The following BCOR variants were observed in gnomAD, a reference collection of about 807,000 sequenced individuals.
BCOR encodes BCL-6 corepressor.
In BCOR, 10 loss-of-function variants were observed where a neutral mutation model predicts 86.7. The observed-to-expected ratio is 0.12, with a 90% CI of 0.07 to 0.20. The LOEUF (loss-of-function observed/expected upper bound fraction) is 0.20, where lower values mean the gene tolerates loss of function less well. Among genes scored for constraint, BCOR ranks in the 10% least tolerant of loss-of-function variants. BCOR has a pLI of 1.00. For missense variants in BCOR, 1,259 were observed against 1,452.1 expected, an observed-to-expected ratio of 0.87 and a Z score of 2.16; for synonymous variants, 611 against 609.0, an observed-to-expected ratio of 1.00 and a Z score of -0.05.
At chrX:40,148,103 C>T (rs1320589892) in intron 1 of BCOR, among the ~76,000 whole-genome samples, 2 of 112,340 alleles carry the variant, frequency 1.8e-5, no homozygotes, top group African/African-American at 6.5e-5. Flanking sequence ...CTGCCACTTT[C>T]CACCGCATTT....
At chrX:40,099,733 C>A (rs1163073893), upstream of BCOR, among the ~76,000 whole-genome samples, 6 of 112,432 alleles carry the variant, frequency 5.3e-5, no homozygotes, top group Non-Finnish European at 1.1e-4. Context: ...TAGTTCTCAG[C>A]ACATAGTTAT....
At chrX:40,110,505 TCTC>T (rs927372872) in intron 1 of BCOR, among the ~76,000 whole-genome samples, 2 of 108,336 alleles carry the variant, frequency 1.8e-5, no homozygotes, top group African/African-American at 6.7e-5. Flanking sequence ...GGCAAAATAT[TCTC>T]CTCTCCCCTA....
At chrX:40,167,921 CG>C (rs1263648999) in intron 1 of BCOR, among the ~76,000 whole-genome samples, 2 of 113,046 alleles carry the variant, frequency 1.8e-5, no homozygotes. Context: ...GGCCGGGCCG[CG>C]AGGCCTCCTA....
intron 1 of BCOR, among the ~76,000 whole-genome samples, chrX:40,106,565 C>T (rs1937191463): frequency 9.0e-6 from 1 of 110,645 alleles, no homozygotes; most frequent in Non-Finnish European, 1.9e-5. Context: ...GCCCTCCCCG[C>T]GCTCCCGCCT....
intron 1 of BCOR, among the ~76,000 whole-genome samples, chrX:40,159,680 G>A (rs950226687): frequency 2.7e-5 from 3 of 112,324 alleles, no homozygotes; most frequent in African/African-American, 6.5e-5. Flanking sequence ...CTAAATGGAA[G>A]ATTGGAAACT....
chrX:40,090,496 G>A (rs1329936997), intron 1 of BCOR, among the ~76,000 whole-genome samples: 1 of 112,771 alleles, frequency 8.9e-6, no homozygotes, highest in Non-Finnish European at 1.9e-5. Flanking sequence ...CCCCTCCGGG[G>A]AGGCGATTCC....
rs918158091 is a variant in BCOR at position 40,075,166 on chromosome X, C to G, written c.180G>C (p.Thr60=). 8.3e-7 allele frequency: 1 copy of G among 1,205,703 alleles called. No individual in the cohort carries two copies. The highest frequency in any genetic ancestry group is 1.1e-6 in the Non-Finnish European group (1 of 893,636). ...CTGCCAGGCCATCGATCCTATGGGC[C>G]GTGCTCGCATCCACCTTTGCAGAAG... ...PLNHNVVDAS[T]AHRIDGLAAL... The change falls in exon 4 of 15, where the codon ACG becomes ACC. Residue 60 remains threonine (T), a synonymous_variant. Transcript: ENST00000378444.
intron 1 of BCOR, among the ~76,000 whole-genome samples, chrX:40,120,005 A>G (rs1181523975): frequency 1.0e-5 from 1 of 98,330 alleles, no homozygotes; most frequent in African/African-American, 3.7e-5. Flanking sequence ...TTTGTTAATA[A>G]AATCACGTGA....
In BCOR at chrX:40,063,819, C is replaced by A. The variant is rs1172231574; in HGVS notation, c.3636G>T (p.Leu1212=). ...GCTGCTCCCATCGTTCTCTAAGGTG[C>A]AGCAAGTGGCGTTGTTTTTTAGGAT... The part of the protein sequence containing the change: ...GLHPKKQRHL[L]HLRERWEQQV... The change falls in exon 8 of 15, where the codon CTG becomes CTT. Residue 1212 remains leucine (L), a synonymous_variant. Coordinates refer to ENST00000378444, the MANE Select transcript of BCOR (RefSeq NM_001123385.2). 1 of 1,211,919 alleles carries A rather than the reference C, an allele frequency of 8.3e-7. No individual in the cohort carries two copies.
intron 1 of BCOR, among the ~76,000 whole-genome samples, chrX:40,138,786 C>T (rs1937745987): frequency 9.0e-6 from 1 of 110,953 alleles, no homozygotes; most frequent in Non-Finnish European, 1.9e-5. Flanking sequence ...AACTCCTTAC[C>T]TCAGGTGATC....
chrX:40,061,662 C>T (rs1180897224), intron 10 of BCOR, among the ~76,000 whole-genome samples: 1 of 85,734 alleles, frequency 1.2e-5, no homozygotes, highest in Non-Finnish European at 2.3e-5. Context: ...GACCTTAGGT[C>T]TGCCCCACCC....
chrX:40,153,698 G>A (rs1169022750), intron 1 of BCOR, among the ~76,000 whole-genome samples: 1 of 112,006 alleles, frequency 8.9e-6, no homozygotes, highest in Non-Finnish European at 1.9e-5. Context: ...GAGCTGAGAG[G>A]AAGCACGCCG....
intron 1 of BCOR, among the ~76,000 whole-genome samples, chrX:40,107,924 T>C (rs1937223981): frequency 8.8e-6 from 1 of 113,751 alleles, no homozygotes; most frequent in Non-Finnish European, 1.9e-5. Flanking sequence ...TTGATGTGTC[T>C]GTGTGGAGCC....
chrX:40,153,527 G>A (rs1345357858), intron 1 of BCOR, among the ~76,000 whole-genome samples: 2 of 111,874 alleles, frequency 1.8e-5, no homozygotes, highest in African/African-American at 6.5e-5. Flanking sequence ...TGCATCCAAG[G>A]AAGGGGAGGG....
At chrX:40,075,313 C>CG in intron 3 of BCOR, 133 bp from the exon 4 acceptor site, 1 of 81,843 alleles carries the variant, frequency 1.2e-5, no homozygotes, top group South Asian at 1.7e-4. Context: ...AGGCTTCCGG[C>CG]GGGGCGGGGG....
At chrX:40,125,043 A>G in intron 1 of BCOR, among the ~76,000 whole-genome samples, 1 of 106,252 alleles carries the variant, frequency 9.4e-6, no homozygotes, top group African/African-American at 3.4e-5. Context: ...CGGGTTGGGG[A>G]GGAGGGCATA....
At chrX:40,149,823 A>G (rs1340155121) in intron 1 of BCOR, among the ~76,000 whole-genome samples, 2 of 111,816 alleles carry the variant, frequency 1.8e-5, no homozygotes, top group Admixed American at 9.5e-5. Flanking sequence ...AGGAATCCCA[A>G]TGGCTCCGAA....
intron 9 of BCOR, 36 bp from the exon 10 acceptor site, chrX:40,062,429 C>A: frequency 1.7e-6 from 2 of 1,189,173 alleles, no homozygotes; most frequent in Non-Finnish European, 2.3e-6. Context: ...CGGTTAAGCC[C>A]GTGTCCTTCT....
intron 1 of BCOR, among the ~76,000 whole-genome samples, chrX:40,119,964 T>A (rs1180916591): frequency 1.9e-5 from 2 of 106,605 alleles, no homozygotes; most frequent in African/African-American, 6.9e-5. Flanking sequence ...GAGGGCAGTG[T>A]GCTGCTTCTA....
Sources: gnomAD v4.1 joint callset for allele counts (sites outside exome capture counted in the v4.1 genomes callset) on GRCh38, gnomAD v4.1.1 for gene constraint, MANE v1.5 for transcripts, NCBI Gene and HGNC (gene_info 2026-07-23, HGNC 2026-07-21) for gene names.